The following KCNIP4 variants were observed in gnomAD, a reference collection of about 807,000 sequenced individuals.
KCNIP4 encodes Kv channel-interacting protein 4.
In KCNIP4, 12 loss-of-function variants were observed where a neutral mutation model predicts 34.0. That is an observed-to-expected ratio of 0.35 (90% CI 0.23 to 0.57). The LOEUF is 0.57. KCNIP4 is among the 20% of genes least tolerant of loss of function. KCNIP4 has a pLI of 0.83. For synonymous variants in KCNIP4, 124 were observed against 102.2 expected (o/e 1.21, Z -1.29); for missense variants, 238 against 311.7 (o/e 0.76, Z 1.78).
At chr4:20,976,357 C>T (rs922110613) in intron 1 of KCNIP4, among the ~76,000 whole-genome samples, 1 of 152,196 alleles carries the variant, frequency 6.6e-6, no homozygotes, top group African/African-American at 2.4e-5. Context: ...GAAACTGGAA[C>T]ATGGCAACTG....
At chr4:21,627,190 T>A (rs752478819) in intron 1 of KCNIP4, among the ~76,000 whole-genome samples, 5 of 152,150 alleles carry the variant, frequency 3.3e-5, no homozygotes, top group Non-Finnish European at 5.9e-5. Flanking sequence ...TCCAATTACT[T>A]TGGCACACAC....
At position 21,234,398 on chromosome 4, in the gene KCNIP4, ATATAT is replaced by A. The variant is rs1345247615; in HGVS notation, c.62-351694_62-351690del. 8.7e-4 allele frequency among the ~76,000 whole-genome samples: 105 copies of A among 120,294 alleles called. 30 individuals are homozygous for A. The highest frequency in any genetic ancestry group is 5.4e-3 in the Middle Eastern group (1 of 186). The allele number at this position is 120,294 out of a possible 152,430, so 78.9% of individuals were successfully genotyped here. ...ACATACATCATACATAACATATATA[ATATAT>A]TATATAACATATACTATATATATTA... is the stretch of plus-strand genomic sequence containing the variant. On this transcript the variant is annotated intron_variant, in intron 1 of 8. Coordinates refer to ENST00000382152, the MANE Select transcript of KCNIP4 (RefSeq NM_025221.6).
rs10713065 is a variant in KCNIP4 at position 20,877,970 on chromosome 4, C to CTTT, written c.163+4635_163+4637dup. ...GCCAGAGCTAATGTTTTCTCTCTCT[C>CTTT]TTTTTTTTTTTCCAATTTAAAGATT... On this transcript the variant is annotated intron_variant, in intron 2 of 8. Coordinates refer to ENST00000382152, the MANE Select transcript of KCNIP4 (RefSeq NM_025221.6). 8.4e-3 allele frequency among the ~76,000 whole-genome samples: 1,243 copies of CTTT among 148,410 alleles called. 8 individuals carry two copies. The highest frequency in any genetic ancestry group is 0.017 in the African/African-American group (705 of 40,560).
intron 1 of KCNIP4, among the ~76,000 whole-genome samples, chr4:21,412,781 A>G (rs1166647997): frequency 6.6e-6 from 1 of 152,112 alleles, no homozygotes; most frequent in South Asian, 2.1e-4. Flanking sequence ...TTATATTTCT[A>G]TGTTAATTTT....
At chr4:21,429,945 G>T (rs1258599445) in intron 1 of KCNIP4, among the ~76,000 whole-genome samples, 1 of 152,022 alleles carries the variant, frequency 6.6e-6, no homozygotes, top group Non-Finnish European at 1.5e-5. Flanking sequence ...TATGCACTGA[G>T]CATCTATCTA....
chr4:20,871,018 G>T lies in KCNIP4; in HGVS notation c.163+11590C>A, dbSNP rs148353585. 4.5e-3 allele frequency among the ~76,000 whole-genome samples: 679 copies of T among 152,194 alleles called. 6 individuals carry two copies. Among genetic ancestry groups the T allele is most frequent in the African/African-American group, 0.015 (622 of 41,534 alleles). ...ATATCAATGATCTCTTTGAATATCT[G>T]TCATTTCCTCTGTGATATAAACATT... On this transcript the variant is annotated intron_variant, in intron 2 of 8. Transcript: ENST00000382152.
chr4:21,913,240 T>G (rs780994725), intron 1 of KCNIP4, among the ~76,000 whole-genome samples: 1 of 152,036 alleles, frequency 6.6e-6, no homozygotes, highest in Non-Finnish European at 1.5e-5. Context: ...CTTGGGAGGC[T>G]GAGGCAAGAG....
intron 1 of KCNIP4, among the ~76,000 whole-genome samples, chr4:21,926,162 G>A (rs962607558): frequency 6.6e-6 from 1 of 152,160 alleles, no homozygotes; most frequent in Non-Finnish European, 1.5e-5. Flanking sequence ...AATTGCTGTG[G>A]CTAAAAGCTT....
In KCNIP4 at chr4:20,732,697, A is replaced by G. The variant is rs755804102; in HGVS notation, c.626T>C (p.Val209Ala). Residue 209 changes from valine to alanine, a missense_variant, in exon 7 of 9, where the codon GTT (valine) becomes GCT (alanine). By Grantham distance (64) the Val-to-Ala change is moderately conservative. Transcript: ENST00000382152. ...AATTCCTACCTGAAAAAATGTTTCA[A>G]CGTGTTGTCTGGGAGCATCTTCTTT... ...VLKEDAPRQH[V>A]ETFFQKMDKN... 5.6e-6 allele frequency: 9 copies of G among 1,610,626 alleles called. 1 individual carries two copies. Among genetic ancestry groups the G allele is most frequent in the South Asian group, 5.5e-5 (5 of 91,008 alleles).
intron 1 of KCNIP4, among the ~76,000 whole-genome samples, chr4:21,217,302 C>T (rs1360464258): frequency 6.6e-6 from 1 of 152,086 alleles, no homozygotes; most frequent in East Asian, 1.9e-4. Context: ...CACATTATTA[C>T]AAAAGGCATG....
chr4:20,938,555 T>C (rs1731313880), intron 1 of KCNIP4, among the ~76,000 whole-genome samples: 1 of 152,176 alleles, frequency 6.6e-6, no homozygotes, highest in Non-Finnish European at 1.5e-5. Flanking sequence ...ACGTGTACTG[T>C]TGTTGGTCAT....
In KCNIP4 at chr4:21,947,430, C is replaced by T. The variant is rs575030598; in HGVS notation, c.61+1141G>A. On this transcript the variant is annotated intron_variant, in intron 1 of 8. Transcript: ENST00000382152. ...CCAGTCCAAAAGGATTAAGACTGTTCTCTTTAAAATTTCATATTCAAGTGA... is the reference window on the plus strand; with the variant it reads ...CCAGTCCAAAAGGATTAAGACTGTTTTCTTTAAAATTTCATATTCAAGTGA... 5.3e-5 allele frequency among the ~76,000 whole-genome samples: 8 copies of T among 152,292 alleles called. No individual in the cohort carries two copies. The South Asian group carries it at 1.7e-3, about 32-fold the overall frequency.
intron 1 of KCNIP4, among the ~76,000 whole-genome samples, chr4:21,217,988 T>C (rs958438724): frequency 2.3e-5 from 1 of 44,360 alleles, no homozygotes; most frequent in Non-Finnish European, 4.0e-5. Flanking sequence ...CCCTGTATAG[T>C]TTTTTTTTTT....
Position 21,113,390 on chromosome 4 carries a change from T to C in KCNIP4, c.62-230681A>G, listed in dbSNP as rs182416851. Among the ~76,000 whole-genome samples, 429 of 150,700 alleles carry C rather than the reference T, an allele frequency of 2.8e-3. 1 individual carries two copies. Among genetic ancestry groups the C allele is most frequent in the Admixed American group, 9.7e-3 (146 of 14,992 alleles). ...CCCTCCTGTCACTTCTGAGTTGATT[T>C]TGTTCTTTTGCCTTCGAAAGCTGAA... On this transcript the variant is annotated intron_variant, in intron 1 of 8. Transcript: ENST00000382152.
At chr4:21,447,773 T>A (rs1728158212) in intron 1 of KCNIP4, among the ~76,000 whole-genome samples, 1 of 152,248 alleles carries the variant, frequency 6.6e-6, no homozygotes, top group East Asian at 1.9e-4. Context: ...CTTTTTTTCT[T>A]GTGATCTGCT....
At chr4:21,887,349 G>C (rs1726835898) in intron 1 of KCNIP4, among the ~76,000 whole-genome samples, 1 of 152,078 alleles carries the variant, frequency 6.6e-6, no homozygotes, top group Admixed American at 6.6e-5. Flanking sequence ...ACTTGGAGGG[G>C]CGCAGAAAGA....
chr4:21,484,854 CT>C (rs772582673), intron 1 of KCNIP4, among the ~76,000 whole-genome samples: 2 of 152,158 alleles, frequency 1.3e-5, no homozygotes, highest in Non-Finnish European at 2.9e-5. Flanking sequence ...CATCTGACTC[CT>C]TCACCAGATT....
chr4:21,787,280 C>A (rs73256545), intron 1 of KCNIP4, among the ~76,000 whole-genome samples: 1,999 of 152,306 alleles, frequency 0.013, 25 homozygotes, highest in Non-Finnish European at 0.019. Flanking sequence ...CAATTATTCT[C>A]AAGTTTAAAA....
In KCNIP4 at chr4:21,234,398, A is replaced by AAT. The variant is rs1560199308; in HGVS notation, c.62-351690_62-351689insAT. Among the ~76,000 whole-genome samples the AAT allele has an allele frequency of 9.1e-5, 11 of 120,302 alleles. 1 individual carries two copies. Among genetic ancestry groups the AAT allele is most frequent in the Non-Finnish European group, 1.5e-4 (9 of 60,304 alleles). The allele number at this position is 120,302 out of a possible 152,430, so 78.9% of individuals were successfully genotyped here. On this transcript the variant is annotated intron_variant, in intron 1 of 8. Transcript: ENST00000382152. Reference sequence around the variant, plus strand: ...ACATACATCATACATAACATATATAATATATTATATAACATATACTATATA... The same window carrying AAT: ...ACATACATCATACATAACATATATAAATTATATTATATAACATATACTATATA...
Sources: gnomAD v4.1 joint callset for allele counts (sites outside exome capture counted in the v4.1 genomes callset) on GRCh38, gnomAD v4.1.1 for gene constraint, MANE v1.5 for transcripts, NCBI Gene and HGNC (gene_info 2026-07-23, HGNC 2026-07-21) for gene names.